The following RBM34 variants were observed in gnomAD, a reference collection of about 807,000 sequenced individuals.
RBM34 encodes RNA-binding protein 34.
In RBM34, 39 loss-of-function variants were observed where a neutral mutation model predicts 44.6. That is an observed-to-expected ratio of 0.87 (90% confidence interval 0.68 to 1.14). The LOEUF is 1.14. RBM34 is among the 50% of genes most tolerant of loss of function. The pLI is 0.00. For missense variants in RBM34, 572 were observed against 517.9 expected, an observed-to-expected ratio of 1.10 and a Z score of -1.01; for synonymous variants, 194 against 184.0, an observed-to-expected ratio of 1.05 and a Z score of -0.44.
chr1:235,132,233 T>A (rs1661234245), intron 10 of RBM34, among the ~76,000 whole-genome samples: 2 of 151,994 alleles, frequency 1.3e-5, no homozygotes, highest in Non-Finnish European at 1.5e-5. Flanking sequence ...GTCACAATGC[T>A]ACAGGCTTCG....
Position 235,135,925 on chromosome 1 carries a change from T to C in RBM34, c.889+109A>G, listed in dbSNP as rs974581742. The stretch of plus-strand genomic sequence containing the variant: ...ACATGTGCTGCCACGGCAAACACAT[T>C]GCATGCTTTAAAATTAGTCTTAAAT... On this transcript the variant is annotated intron_variant, in intron 9 of 10. Coordinates refer to ENST00000408888, the MANE Select transcript of RBM34 (RefSeq NM_015014.4). 2.4e-6 allele frequency: 3 copies of C among 1,249,454 alleles called. No individual in the cohort carries two copies. The African/African-American group carries it at 4.6e-5, about 19-fold the overall frequency. 77.4% of individuals were successfully genotyped at this position (1,249,454 alleles called of 1,614,324 possible).
chr1:235,152,765 T>C lies in RBM34; in HGVS notation c.598A>G (p.Lys200Glu). ...TACTCTTTAAAAAACGACTTCAGCTTCTAAAATTAAAAAAAAAAATACACA... is the reference window on the plus strand; with the variant it reads ...TACTCTTTAAAAAACGACTTCAGCTCCTAAAATTAAAAAAAAAAATACACA... ...GNLPVTCNKK[K>E]LKSFFKEYGQ... Residue 200 changes from lysine (K) to glutamate (E), a missense_variant and splice_region_variant, in exon 5 of 11, where the codon AAG (lysine) becomes GAG (glutamate). Lys to Glu is a moderately conservative substitution (Grantham distance 56). Coordinates refer to ENST00000408888, the MANE Select transcript of RBM34 (RefSeq NM_015014.4). 2 of 1,569,886 alleles carry C rather than the reference T, an allele frequency of 1.3e-6. No individual in the cohort carries two copies. The highest frequency in any genetic ancestry group is 1.7e-6 in the Non-Finnish European group (2 of 1,159,160).
At chr1:235,148,281 C>A in intron 6 of RBM34, 123 bp downstream of exon 6, 2 of 591,786 alleles carry the variant, frequency 3.4e-6, no homozygotes, top group Non-Finnish European at 2.7e-6. Context: ...AGCAAACAGT[C>A]AATCATGCTC....
intron 10 of RBM34, among the ~76,000 whole-genome samples, chr1:235,132,455 C>T (rs1409843393): frequency 1.3e-5 from 2 of 152,048 alleles, no homozygotes; most frequent in African/African-American, 2.4e-5. Context: ...ATTACAGGCG[C>T]GGGCCAACAT....
intron 10 of RBM34, among the ~76,000 whole-genome samples, chr1:235,133,314 CT>C (rs1373968489): frequency 4.6e-5 from 7 of 152,160 alleles, no homozygotes; most frequent in African/African-American, 1.7e-4. Flanking sequence ...GCACTCCAGC[CT>C]GAGCAACAGA....
intron 10 of RBM34, among the ~76,000 whole-genome samples, chr1:235,134,009 C>T (rs1427899538): frequency 6.6e-6 from 1 of 152,086 alleles, no homozygotes; most frequent in Non-Finnish European, 1.5e-5. Context: ...AGGCGCTGGC[C>T]ACCATGACCA....
At chr1:235,135,519 G>A (rs1324698564) in intron 10 of RBM34, 133 bp downstream of exon 10, 5 of 797,462 alleles carry the variant, frequency 6.3e-6, no homozygotes, top group Non-Finnish European at 8.5e-6. Context: ...ATGAGTCACT[G>A]CACCTAGCCC....
intron 6 of RBM34, 148 bp downstream of exon 6, chr1:235,148,256 G>A (rs562500758): frequency 2.1e-6 from 1 of 468,214 alleles, no homozygotes; most frequent in South Asian, 5.0e-5. Context: ...AAATCTAAAG[G>A]CTCTCAAATA....
intron 6 of RBM34, among the ~76,000 whole-genome samples, chr1:235,139,133 T>G (rs1463108291): frequency 6.6e-6 from 1 of 152,160 alleles, no homozygotes; most frequent in Non-Finnish European, 1.5e-5. Context: ...GGTGATATAA[T>G]TTGGATGTGA....
At chr1:235,149,620 T>C (rs996319828) in intron 5 of RBM34, among the ~76,000 whole-genome samples, 2 of 152,120 alleles carry the variant, frequency 1.3e-5, no homozygotes, top group African/African-American at 4.8e-5. Flanking sequence ...TTATTTCCAG[T>C]CATATATAGC....
intron 6 of RBM34, among the ~76,000 whole-genome samples, chr1:235,141,105 T>C (rs538364943): frequency 6.6e-6 from 1 of 151,308 alleles, no homozygotes; most frequent in East Asian, 2.0e-4. Context: ...ATCGGCACTC[T>C]GTATCTAGCT....
intron 10 of RBM34, among the ~76,000 whole-genome samples, chr1:235,134,517 C>T (rs75479598): frequency 1.2e-3 from 190 of 152,108 alleles, no homozygotes; most frequent in Non-Finnish European, 2.4e-3. Flanking sequence ...TAAAAATTAG[C>T]GAACTAAATA....
chr1:235,131,636 G>A lies in RBM34; in HGVS notation c.*77C>T, dbSNP rs1661200227. The A allele has an allele frequency of 3.4e-6, 5 of 1,452,638 alleles. No homozygotes were observed. Among genetic ancestry groups the A allele is most frequent in the Non-Finnish European group, 4.6e-6 (5 of 1,076,758 alleles). 90.0% of individuals were successfully genotyped at this position (1,452,638 alleles called of 1,614,324 possible). ...AAGTATAAAACTCAACACATGAATA[G>A]CAGACGATGCTATCAGCAGATAATA... On this transcript the variant is annotated 3_prime_UTR_variant, in exon 11 of 11. Coordinates refer to ENST00000408888, the MANE Select transcript of RBM34 (RefSeq NM_015014.4).
intron 2 of RBM34, 114 bp from the exon 3 acceptor site, chr1:235,160,761 GTC>G: frequency 6.6e-7 from 1 of 1,504,196 alleles, no homozygotes; most frequent in Non-Finnish European, 9.0e-7. Context: ...GTATGTAAGA[GTC>G]ATGAAAGGTT....
chr1:235,135,444 G>A (rs1033941207), intron 10 of RBM34, among the ~76,000 whole-genome samples: 6 of 151,744 alleles, frequency 4.0e-5, no homozygotes, highest in Non-Finnish European at 8.8e-5. Flanking sequence ...GGCCAGGCTG[G>A]TCTCAAACTC....
chr1:235,161,248 A>T lies in RBM34; in HGVS notation c.-22T>A. On this transcript the variant is annotated 5_prime_UTR_variant, in exon 1 of 11. Coordinates refer to ENST00000408888, the MANE Select transcript of RBM34 (RefSeq NM_015014.4). The stretch of plus-strand genomic sequence containing the variant: ...CCATTCTTACTCCAAAGACTCCCAG[A>T]CTGCAGCTGCGCGCCAGCTCGCACT... 6.2e-7 allele frequency: 1 copy of T among 1,613,126 alleles called. No homozygotes were observed. Among genetic ancestry groups the T allele is most frequent in the Non-Finnish European group, 8.5e-7 (1 of 1,179,744 alleles).
At chr1:235,146,055 T>G (rs1661892918) in intron 6 of RBM34, among the ~76,000 whole-genome samples, 1 of 146,502 alleles carries the variant, frequency 6.8e-6, no homozygotes, top group South Asian at 2.2e-4. Context: ...TAGCTCCACT[T>G]CCTGAGCTCA....
intron 6 of RBM34, among the ~76,000 whole-genome samples, chr1:235,141,218 A>C (rs1362227111): frequency 6.6e-6 from 1 of 151,718 alleles, no homozygotes; most frequent in Non-Finnish European, 1.5e-5. Flanking sequence ...GGCCTTGGAC[A>C]ACCTTTATGT....
At chr1:235,137,747 G>C (rs1661485202) in intron 8 of RBM34, 130 bp downstream of exon 8, 1 of 644,512 alleles carries the variant, frequency 1.6e-6, no homozygotes, top group African/African-American at 1.8e-5. Context: ...TGTAACCACA[G>C]AGGACATAGG....
Sources: gnomAD v4.1 joint callset for allele counts (sites outside exome capture counted in the v4.1 genomes callset) on GRCh38, gnomAD v4.1.1 for gene constraint, MANE v1.5 for transcripts, NCBI Gene and HGNC (gene_info 2026-07-23, HGNC 2026-07-21) for gene names.